Variants in PLEKHA7 observed in about 807,000 individuals in gnomAD.
The protein encoded by PLEKHA7 is pleckstrin homology domain-containing family A member 7.
Under a neutral mutation model 170.0 loss-of-function variants are expected in PLEKHA7, and 104 were observed. The ratio of observed to expected loss-of-function variants is 0.61; its 90% CI spans 0.52 to 0.72. PLEKHA7 has a LOEUF of 0.72. Among genes scored for constraint, PLEKHA7 ranks in the 30% least tolerant of loss-of-function variants. The probability of loss-of-function intolerance (pLI) is 0.00; values close to 1 mark genes in which losing one functional copy is unlikely to be tolerated. For synonymous variants in PLEKHA7, 648 were observed against 660.8 expected (o/e 0.98, Z 0.30); for missense variants, 1,615 against 1,671.7 (o/e 0.97, Z 0.59).
chr11:16,832,002 A>C (rs1333229518), intron 9 of PLEKHA7, among the ~76,000 whole-genome samples: 2 of 152,234 alleles, frequency 1.3e-5, no homozygotes, highest in Admixed American at 1.3e-4. Context: ...TATAAGCATA[A>C]ATTGCTAGGC....
chr11:16,816,701 A>C (rs1190447578), intron 11 of PLEKHA7, 99 bp downstream of exon 11: 1 of 1,406,974 alleles, frequency 7.1e-7, no homozygotes, highest in Non-Finnish European at 9.7e-7. Flanking sequence ...ATTAGCTATC[A>C]TTATTATCCC....
intron 3 of PLEKHA7, among the ~76,000 whole-genome samples, chr11:16,898,495 T>C (rs1206556790): frequency 6.6e-6 from 1 of 152,204 alleles, no homozygotes; most frequent in Non-Finnish European, 1.5e-5. Flanking sequence ...TGAGATTTAG[T>C]TTCCTTATCT....
chr11:16,830,557 T>C (rs943634674), intron 9 of PLEKHA7, among the ~76,000 whole-genome samples: 1 of 152,234 alleles, frequency 6.6e-6, no homozygotes, highest in Non-Finnish European at 1.5e-5. Flanking sequence ...GAAACAAATA[T>C]GCCACCTATG....
At chr11:16,985,910 A>G (rs1863698294) in intron 3 of PLEKHA7, among the ~76,000 whole-genome samples, 1 of 152,250 alleles carries the variant, frequency 6.6e-6, no homozygotes, top group African/African-American at 2.4e-5. Context: ...AATGAATGAA[A>G]GCACTGCTAA....
chr11:16,888,787 TTGTCCTATGACCC>T (rs1267603441), intron 3 of PLEKHA7, among the ~76,000 whole-genome samples: 1 of 151,966 alleles, frequency 6.6e-6, no homozygotes, highest in Non-Finnish European at 1.5e-5. Context: ...CCCTCCACTA[TTGTCCTATGACCC>T]TGCCAAATCC....
intron 3 of PLEKHA7, among the ~76,000 whole-genome samples, chr11:16,996,124 G>C (rs1270076317): frequency 6.6e-6 from 1 of 152,178 alleles, no homozygotes; most frequent in Non-Finnish European, 1.5e-5. Context: ...CTATGTTCTG[G>C]AGACTAAGTA....
At chr11:16,923,274 T>C (rs1859232977) in intron 3 of PLEKHA7, among the ~76,000 whole-genome samples, 1 of 152,144 alleles carries the variant, frequency 6.6e-6, no homozygotes, top group South Asian at 2.1e-4. Context: ...TAGAAAAACC[T>C]TGTTCCTAAT....
At chr11:16,845,870 T>G (rs1852359964) in intron 8 of PLEKHA7, among the ~76,000 whole-genome samples, 1 of 152,082 alleles carries the variant, frequency 6.6e-6, no homozygotes, top group Admixed American at 6.6e-5. Context: ...GGAGAGAACT[T>G]GCAGGTAATA....
rs78112092 is a variant in PLEKHA7 at position 16,858,312 on chromosome 11, T to C, written c.306-2398A>G. Among the ~76,000 whole-genome samples the C allele has an allele frequency of 2.8e-3, 419 of 152,300 alleles. 1 individual carries two copies. Among genetic ancestry groups the C allele is most frequent in the Middle Eastern group, 0.01 (3 of 294 alleles). ...AAACGTTATTGTAATGTAAACACTT[T>C]CTCCGTTAGTTTAAGCCAGTTCAAC... On this transcript the variant is annotated intron_variant, in intron 4 of 26. Transcript: ENST00000531066.
chr11:16,788,852 C>CT, intron 23 of PLEKHA7: 1 of 581,598 alleles, frequency 1.7e-6, no homozygotes, highest in African/African-American at 1.9e-5. Context: ...GGAGGACTGA[C>CT]TGGGTATTTC....
In PLEKHA7 at chr11:16,778,781, C is replaced by A; in HGVS notation, c.*217G>T. ...TATTTTACAGTGTATATCAAAAGTG[C>A]CTTTGCCATTCATATGTAGAGAGGA... On this transcript the variant is annotated 3_prime_UTR_variant, in exon 27 of 27. Coordinates refer to ENST00000531066, the MANE Select transcript of PLEKHA7 (RefSeq NM_001329630.2). 1.7e-6 allele frequency: 1 copy of A among 596,428 alleles called. No individual in the cohort carries two copies. Among genetic ancestry groups the A allele is most frequent in the Non-Finnish European group, 3.0e-6 (1 of 333,562 alleles). The allele number at this position is 596,428 out of a possible 1,614,324, so 36.9% of individuals were successfully genotyped here.
intron 17 of PLEKHA7, among the ~76,000 whole-genome samples, chr11:16,800,137 T>C (rs73423124): frequency 3.0e-4 from 46 of 152,358 alleles, no homozygotes; most frequent in African/African-American, 9.4e-4. Context: ...CAATTAATGC[T>C]TGCTGAATTC....
At chr11:16,805,458 CT>C (rs1848895311) in intron 13 of PLEKHA7, among the ~76,000 whole-genome samples, 1 of 152,150 alleles carries the variant, frequency 6.6e-6, no homozygotes, top group Middle Eastern at 3.4e-3. Context: ...AGTACTACCT[CT>C]TTTTCTAAGA....
intron 3 of PLEKHA7, among the ~76,000 whole-genome samples, chr11:16,905,973 G>A (rs546991826): frequency 2.7e-5 from 4 of 149,944 alleles, no homozygotes; most frequent in Non-Finnish European, 6.0e-5. Context: ...GCCCTCTAGG[G>A]CCCTGGAGTG....
intron 3 of PLEKHA7, among the ~76,000 whole-genome samples, chr11:16,992,498 T>A (rs570010073): frequency 2.0e-5 from 3 of 152,308 alleles, no homozygotes; most frequent in Admixed American, 1.3e-4. Context: ...CTCACGCCTG[T>A]TATTCCCGGC....
At chr11:16,794,042 C>T (rs949175653) in intron 19 of PLEKHA7, among the ~76,000 whole-genome samples, 7 of 152,292 alleles carry the variant, frequency 4.6e-5, no homozygotes, top group Middle Eastern at 6.8e-3. Flanking sequence ...ACAACCCAGC[C>T]CAGTGCTCAG....
intron 3 of PLEKHA7, among the ~76,000 whole-genome samples, chr11:16,968,668 G>C (rs191294841): frequency 6.6e-6 from 1 of 152,272 alleles, no homozygotes; most frequent in East Asian, 1.9e-4. Context: ...ACACAGTTTG[G>C]AGTCTTCAAT....
At chr11:16,925,273 T>G (rs1368240844) in intron 3 of PLEKHA7, among the ~76,000 whole-genome samples, 1 of 152,160 alleles carries the variant, frequency 6.6e-6, no homozygotes, top group Non-Finnish European at 1.5e-5. Context: ...GACCCGATTT[T>G]TAAAAACAAC....
chr11:16,834,490 A>C (rs940605551), intron 9 of PLEKHA7, among the ~76,000 whole-genome samples: 4 of 152,168 alleles, frequency 2.6e-5, no homozygotes, highest in Non-Finnish European at 5.9e-5. Flanking sequence ...AGGAAATTGG[A>C]CTTTATTCTA....
Sources: gnomAD v4.1 joint callset for allele counts (sites outside exome capture counted in the v4.1 genomes callset) on GRCh38, gnomAD v4.1.1 for gene constraint, MANE v1.5 for transcripts, NCBI Gene and HGNC (gene_info 2026-07-23, HGNC 2026-07-21) for gene names.